The following CCDC77 variants were observed in gnomAD, a reference collection of about 807,000 sequenced individuals.
CCDC77 encodes coiled-coil domain containing 77.
CCDC77 carries 56 observed loss-of-function variants against 66.8 expected under a neutral mutation model. The ratio of observed to expected loss-of-function variants is 0.84; its 90% CI spans 0.68 to 1.05. The LOEUF is 1.05. CCDC77 is among the 50% of genes least tolerant of loss of function. CCDC77 has a pLI of 0.00. For missense variants in CCDC77, 570 were observed against 576.8 expected, an observed-to-expected ratio of 0.99 and a Z score of 0.12; for synonymous variants, 196 against 195.2, an observed-to-expected ratio of 1.00 and a Z score of -0.03.
chr12:438,254 C>G, intron 9 of CCDC77, 81 bp from the exon 10 acceptor site: 2 of 966,466 alleles, frequency 2.1e-6, no homozygotes, highest in South Asian at 1.6e-5. Context: ...AAGAACCACT[C>G]TCTTCCATTT....
intron 1 of CCDC77, among the ~76,000 whole-genome samples, chr12:389,680 C>T (rs910044072): frequency 1.4e-5 from 2 of 143,382 alleles, no homozygotes; most frequent in African/African-American, 5.0e-5. Context: ...GGGTCCCTTT[C>T]CCTTTTGTGT....
chr12:427,918 T>A (rs186439740), intron 5 of CCDC77, among the ~76,000 whole-genome samples: 134 of 152,278 alleles, frequency 8.8e-4, no homozygotes, highest in Non-Finnish European at 2.4e-4. Context: ...TGGGATTCAG[T>A]TGCAGCAGGC....
chr12:423,089 ATTTTCTTTTTT>A, intron 5 of CCDC77, among the ~76,000 whole-genome samples: 1 of 60,222 alleles, frequency 1.7e-5, no homozygotes, highest in East Asian at 3.7e-4. Flanking sequence ...AATACCTGTT[ATTTTCTTTTTT>A]TTTTCTTTTA....
At position 438,281 on chromosome 12, in the gene CCDC77, T is replaced by C. The variant is rs1945792396; in HGVS notation, c.822-54T>C. On this transcript the variant is annotated intron_variant, in intron 9 of 12. Transcript: ENST00000239830. ...CTTCCATTTTGGAATAATCCTTGCT[T>C]TCAGGTGTGCTGTGTGCGCATCCTC... The C allele has an allele frequency of 2.5e-6, 3 of 1,199,344 alleles. No individual in the cohort carries two copies. The African/African-American group carries it at 4.6e-5, about 18-fold the overall frequency. 74.3% of individuals were successfully genotyped at this position (1,199,344 alleles called of 1,614,324 possible).
At chr12:418,735 T>A in intron 5 of CCDC77, 99 bp downstream of exon 5, 1 of 1,350,942 alleles carries the variant, frequency 7.4e-7, no homozygotes, top group Non-Finnish European at 1.0e-6. Flanking sequence ...AGTATCACTC[T>A]ATTGCCCAGG....
chr12:422,799 A>G (rs919253308), intron 5 of CCDC77, among the ~76,000 whole-genome samples: 1 of 152,130 alleles, frequency 6.6e-6, no homozygotes, highest in Admixed American at 6.6e-5. Flanking sequence ...ATTTCTGTAG[A>G]GACAGGGTTC....
intron 1 of CCDC77, among the ~76,000 whole-genome samples, chr12:390,736 AACACACAC>A (rs58938735): frequency 6.4e-4 from 96 of 149,462 alleles, no homozygotes; most frequent in African/African-American, 2.1e-3. Context: ...TATCTTTATA[AACACACAC>A]ACACACACAC....
chr12:413,973 C>A (rs183671758), intron 4 of CCDC77, among the ~76,000 whole-genome samples: 3 of 151,844 alleles, frequency 2.0e-5, no homozygotes, highest in Non-Finnish European at 4.4e-5. Flanking sequence ...TGCCATGCCA[C>A]TAAAACCGTG....
exon 1 of CCDC77, chr12:389,368 G>T (rs959607347): frequency 1.7e-6 from 1 of 599,170 alleles, no homozygotes; most frequent in Admixed American, 2.6e-5. Context: ...GCAGCTGCAC[G>T]ACGCCTGTGT....
At chr12:407,503 G>A (rs1945018182) in intron 2 of CCDC77, among the ~76,000 whole-genome samples, 1 of 152,088 alleles carries the variant, frequency 6.6e-6, no homozygotes, top group African/African-American at 2.4e-5. Context: ...TAGAGTGGAG[G>A]GCAGAGTAAG....
At chr12:407,666 G>T (rs1358215899) in intron 2 of CCDC77, among the ~76,000 whole-genome samples, 1 of 152,134 alleles carries the variant, frequency 6.6e-6, no homozygotes, top group African/African-American at 2.4e-5. Flanking sequence ...AAGCTTTGAC[G>T]GAGTCAGGGA....
intron 10 of CCDC77, among the ~76,000 whole-genome samples, chr12:439,781 G>GAA (rs764606601): frequency 1.5e-5 from 2 of 135,232 alleles, no homozygotes; most frequent in Non-Finnish European, 3.2e-5. Flanking sequence ...CTCCGTCTCA[G>GAA]AAAAAAAAAA....
At chr12:391,016 G>A (rs1944745329) in intron 1 of CCDC77, among the ~76,000 whole-genome samples, 1 of 152,182 alleles carries the variant, frequency 6.6e-6, no homozygotes, top group Non-Finnish European at 1.5e-5. Context: ...ATCATATTCT[G>A]TTGGTCAAAG....
At chr12:415,532 T>G (rs992670662) in intron 4 of CCDC77, among the ~76,000 whole-genome samples, 2 of 148,598 alleles carry the variant, frequency 1.3e-5, no homozygotes, top group African/African-American at 4.9e-5. Flanking sequence ...ACATAATTAT[T>G]AACATAATAA....
intron 2 of CCDC77, among the ~76,000 whole-genome samples, chr12:408,251 T>A (rs964207573): frequency 1.3e-5 from 2 of 152,170 alleles, no homozygotes; most frequent in Admixed American, 1.3e-4. Context: ...TCTGTCTCTG[T>A]CAATCATATA....
chr12:407,055 C>T lies in CCDC77; in HGVS notation c.-17+1491C>T, dbSNP rs7968644. 0.013 allele frequency among the ~76,000 whole-genome samples: 2,020 copies of T among 152,300 alleles called. 101 individuals carry two copies. In the South Asian group the frequency reaches 0.16, roughly 12 times the overall value. ...AGCGCAGTGACTCATGCCTATAATCCTATTACTTGTGTGGCTGAGGGGAGA... is the reference window on the plus strand; with the variant it reads ...AGCGCAGTGACTCATGCCTATAATCTTATTACTTGTGTGGCTGAGGGGAGA... On this transcript the variant is annotated intron_variant, in intron 2 of 12. Transcript: ENST00000239830.
chr12:423,114 C>CTTTTTTTTTTT lies in CCDC77; in HGVS notation c.413+4492_413+4502dup, dbSNP rs139334337. 8.2e-4 allele frequency among the ~76,000 whole-genome samples: 61 copies of CTTTTTTTTTTT among 74,572 alleles called. 3 individuals carry two copies. Among genetic ancestry groups the CTTTTTTTTTTT allele is most frequent in the Non-Finnish European group, 1.0e-3 (45 of 43,074 alleles). The allele number at this position is 74,572 out of a possible 152,430, so 48.9% of individuals were successfully genotyped here. A position where few individuals can be genotyped will look rare whatever the true frequency, so the allele number is the denominator to read the frequency against. On this transcript the variant is annotated intron_variant, in intron 5 of 12. Transcript: ENST00000239830. The stretch of plus-strand genomic sequence containing the variant: ...ATTTTCTTTTTTTTTTCTTTTAAGC[C>CTTTTTTTTTTT]TTTTTTTTTTTTTTTTTTTTTTTTG...
chr12:413,991 C>T (rs144569120), intron 4 of CCDC77, among the ~76,000 whole-genome samples: 26 of 151,914 alleles, frequency 1.7e-4, no homozygotes, highest in African/African-American at 5.3e-4. Context: ...GTGCCGTCTG[C>T]GGTCTCCAAA....
intron 1 of CCDC77, chr12:395,139 C>T (rs1399190130): frequency 6.6e-6 from 1 of 152,140 alleles, no homozygotes; most frequent in Non-Finnish European, 1.5e-5. Context: ...AGTGCAATGG[C>T]ATTATCTTGG....
Sources: allele counts gnomAD v4.1 joint callset (sites outside exome capture counted in the v4.1 genomes callset), GRCh38; gene constraint gnomAD v4.1.1; transcripts MANE v1.5; gene names NCBI Gene and HGNC (gene_info 2026-07-23, HGNC 2026-07-21).